Variants in SRGAP1 observed in about 807,000 individuals in gnomAD.
SRGAP1 encodes SLIT-ROBO Rho GTPase-activating protein 1.
In SRGAP1, 43 loss-of-function variants were observed where a neutral mutation model predicts 121.9. That is an observed-to-expected ratio of 0.35 (90% confidence interval 0.28 to 0.46). The LOEUF is 0.46. SRGAP1 is among the 20% of genes least tolerant of loss of function. SRGAP1 has a pLI of 1.00. For missense variants in SRGAP1, 1,102 were observed against 1,350.9 expected (o/e 0.82, Z 2.89); for synonymous variants, 447 against 485.4 (o/e 0.92, Z 1.04).
At chr12:64,009,300 A>G (rs1185224402) in intron 3 of SRGAP1, among the ~76,000 whole-genome samples, 1 of 152,154 alleles carries the variant, frequency 6.6e-6, no homozygotes, top group Non-Finnish European at 1.5e-5. Flanking sequence ...CTGGTTATTC[A>G]TTTAGTGACA....
At chr12:64,136,117 C>T (rs1029804593) in intron 21 of SRGAP1, among the ~76,000 whole-genome samples, 8 of 152,180 alleles carry the variant, frequency 5.3e-5, no homozygotes, top group Non-Finnish European at 1.5e-5. Flanking sequence ...TTCCCCAGCC[C>T]ACTAACTCCA....
At chr12:63,958,993 A>G (rs963632982) in intron 1 of SRGAP1, among the ~76,000 whole-genome samples, 4 of 152,170 alleles carry the variant, frequency 2.6e-5, no homozygotes, top group Admixed American at 1.3e-4. Context: ...AATGCATTGT[A>G]CATTAGATTG....
intron 1 of SRGAP1, among the ~76,000 whole-genome samples, chr12:63,936,035 T>G (rs989830724): frequency 6.6e-6 from 1 of 152,032 alleles, no homozygotes; most frequent in African/African-American, 2.4e-5. Flanking sequence ...CTGATGAGAG[T>G]AGGAGTAACT....
chr12:64,071,725 C>T (rs2035639802), intron 8 of SRGAP1, among the ~76,000 whole-genome samples: 1 of 152,110 alleles, frequency 6.6e-6, no homozygotes, highest in Non-Finnish European at 1.5e-5. Context: ...ATGTTTTCTT[C>T]CTTGGATTAA....
At chr12:64,029,803 C>CCTGGCCA (rs2034733572) in intron 4 of SRGAP1, among the ~76,000 whole-genome samples, 7 of 111,380 alleles carry the variant, frequency 6.3e-5, no homozygotes, top group South Asian at 2.9e-4. Context: ...TCGAGACCAG[C>CCTGGCCA]AGGCTGAGGC....
intron 21 of SRGAP1, among the ~76,000 whole-genome samples, chr12:64,136,964 T>C (rs1223435359): frequency 2.0e-5 from 3 of 152,102 alleles, no homozygotes; most frequent in Admixed American, 6.6e-5. Flanking sequence ...ATTTTTTAAA[T>C]TGTAAATTAT....
intron 6 of SRGAP1, among the ~76,000 whole-genome samples, chr12:64,060,146 C>A (rs1303738838): frequency 2.7e-5 from 4 of 148,894 alleles, no homozygotes; most frequent in African/African-American, 9.9e-5. Flanking sequence ...CTTTTTTTTT[C>A]TTTTTCCTTC....
chr12:64,113,764 G>T, intron 17 of SRGAP1, among the ~76,000 whole-genome samples: 1 of 152,150 alleles, frequency 6.6e-6, no homozygotes, highest in Non-Finnish European at 1.5e-5. Context: ...GTTAGGAAAG[G>T]CCAAGGAGCC....
chr12:63,985,685 A>G (rs1241095289), intron 2 of SRGAP1, among the ~76,000 whole-genome samples: 1 of 152,226 alleles, frequency 6.6e-6, no homozygotes, highest in African/African-American at 2.4e-5. Flanking sequence ...CTTTAATTTC[A>G]CTTGGGGCAG....
intron 1 of SRGAP1, among the ~76,000 whole-genome samples, chr12:63,906,401 G>A (rs997417525): frequency 3.4e-5 from 5 of 148,930 alleles, no homozygotes; most frequent in African/African-American, 5.0e-5. Context: ...TGCAAGCTCC[G>A]CCTCCTGGGT....
At chr12:63,889,247 T>G (rs1048094795) in intron 1 of SRGAP1, among the ~76,000 whole-genome samples, 2 of 152,078 alleles carry the variant, frequency 1.3e-5, no homozygotes, top group African/African-American at 2.4e-5. Flanking sequence ...GAGTGAGTGA[T>G]TGGGTGACAG....
intron 1 of SRGAP1, among the ~76,000 whole-genome samples, chr12:63,901,766 T>G (rs2029944315): frequency 6.6e-6 from 1 of 152,190 alleles, no homozygotes; most frequent in Non-Finnish European, 1.5e-5. Flanking sequence ...ATTTACAAAT[T>G]AATGAGATTT....
chr12:64,142,916 T>A lies in SRGAP1; in HGVS notation c.*244T>A. On this transcript the variant is annotated 3_prime_UTR_variant, in exon 22 of 22. Transcript: ENST00000355086. Reference sequence around the variant, plus strand: ...GACAATAGAAACACTTAGACTTACTTGAAAATCCAATGCTGCACCACTTGT... The same window carrying A: ...GACAATAGAAACACTTAGACTTACTAGAAAATCCAATGCTGCACCACTTGT... The A allele has an allele frequency of 4.0e-6, 2 of 505,918 alleles. No homozygotes were observed. The highest frequency in any genetic ancestry group is 7.0e-6 in the Non-Finnish European group (2 of 286,910). 31.3% of individuals were successfully genotyped at this position (505,918 alleles called of 1,614,324 possible). A position where few individuals can be genotyped will look rare whatever the true frequency, so the allele number is the denominator to read the frequency against.
intron 12 of SRGAP1, among the ~76,000 whole-genome samples, chr12:64,091,710 C>G (rs2036055804): frequency 6.6e-6 from 1 of 152,054 alleles, no homozygotes; most frequent in Non-Finnish European, 1.5e-5. Flanking sequence ...TGAGATGGCA[C>G]AAAATATTCT....
At chr12:64,013,421 T>C (rs2034307764) in intron 3 of SRGAP1, among the ~76,000 whole-genome samples, 1 of 152,202 alleles carries the variant, frequency 6.6e-6, no homozygotes, top group African/African-American at 2.4e-5. Context: ...TCTCAGAGCA[T>C]AGTTCAGTTC....
chr12:63,944,475 G>C (rs545981255), intron 1 of SRGAP1, among the ~76,000 whole-genome samples: 19 of 152,200 alleles, frequency 1.2e-4, no homozygotes, highest in African/African-American at 4.1e-4. Flanking sequence ...CCTACCAAAG[G>C]CCCAACCTCC....
rs113144341 is a variant in SRGAP1 at position 64,006,662 on chromosome 12, G to A, written c.427-10288G>A. On this transcript the variant is annotated intron_variant, in intron 3 of 21. Coordinates refer to ENST00000355086, the MANE Select transcript of SRGAP1 (RefSeq NM_020762.4). ...GAGGAAGCTGTTGCATTAGTAATCT[G>A]GGTGATAATTTTTATCCTATCATGT... is the stretch of plus-strand genomic sequence containing the variant. Among the ~76,000 whole-genome samples the A allele has an allele frequency of 2.1e-3, 324 of 152,252 alleles. 4 individuals carry two copies. Among genetic ancestry groups the A allele is most frequent in the African/African-American group, 7.4e-3 (306 of 41,512 alleles).
At chr12:63,862,237 T>C (rs1197131841) in intron 1 of SRGAP1, among the ~76,000 whole-genome samples, 3 of 152,240 alleles carry the variant, frequency 2.0e-5, no homozygotes, top group Admixed American at 2.0e-4. Flanking sequence ...GCAAAGGTAG[T>C]AGTTTAAGGA....
At chr12:63,876,476 T>C (rs1900031958) in intron 1 of SRGAP1, among the ~76,000 whole-genome samples, 1 of 152,224 alleles carries the variant, frequency 6.6e-6, no homozygotes, top group Non-Finnish European at 1.5e-5. Flanking sequence ...AATTTGAATA[T>C]TTATGACAAT....
Sources: allele counts gnomAD v4.1 joint callset (sites outside exome capture counted in the v4.1 genomes callset), GRCh38; gene constraint gnomAD v4.1.1; transcripts MANE v1.5; gene names NCBI Gene and HGNC (gene_info 2026-07-23, HGNC 2026-07-21).